AUTS2: variants seen among roughly 807,000 people sequenced by gnomAD.
The protein encoded by AUTS2 is activator of transcription and developmental regulator AUTS2.
A neutral mutation model predicts 112.4 loss-of-function variants in AUTS2; 17 were observed. The ratio of observed to expected loss-of-function variants is 0.15; its 90% CI spans 0.10 to 0.23. AUTS2 has a LOEUF of 0.23. AUTS2 is among the 10% of genes least tolerant of loss of function. The pLI is 1.00. For synonymous variants in AUTS2, 751 were observed against 702.7 expected (o/e 1.07, Z -1.09); for missense variants, 1,510 against 1,701.6 (o/e 0.89, Z 1.98).
At chr7:70,039,508 G>A (rs1467486829) in intron 2 of AUTS2, among the ~76,000 whole-genome samples, 3 of 151,968 alleles carry the variant, frequency 2.0e-5, no homozygotes, top group Non-Finnish European at 2.9e-5. Context: ...GATTACAGGC[G>A]CCTGACTAAT....
intron 1 of AUTS2, among the ~76,000 whole-genome samples, chr7:69,758,463 A>G (rs1410539631): frequency 1.3e-5 from 2 of 152,178 alleles, no homozygotes; most frequent in Non-Finnish European, 2.9e-5. Context: ...TCCTTTTTCA[A>G]ATGATCCGGA....
At chr7:70,059,742 G>A (rs929413642) in intron 2 of AUTS2, among the ~76,000 whole-genome samples, 7 of 152,206 alleles carry the variant, frequency 4.6e-5, no homozygotes, top group Middle Eastern at 3.4e-3. Context: ...TGTTTTCGAT[G>A]CCTTCGATGC....
chr7:70,127,441 T>C (rs1806038096), intron 3 of AUTS2, among the ~76,000 whole-genome samples: 1 of 152,186 alleles, frequency 6.6e-6, no homozygotes, highest in Non-Finnish European at 1.5e-5. Context: ...TTGGCCTATT[T>C]TATTTCTGTT....
At chr7:69,748,531 G>A (rs904547511) in intron 1 of AUTS2, among the ~76,000 whole-genome samples, 6 of 152,158 alleles carry the variant, frequency 3.9e-5, no homozygotes, top group African/African-American at 1.4e-4. Context: ...ACAGTTTCTG[G>A]TGAAGCTTCC....
intron 4 of AUTS2, among the ~76,000 whole-genome samples, chr7:70,345,303 C>T (rs940889658): frequency 6.6e-6 from 1 of 152,204 alleles, no homozygotes; most frequent in Non-Finnish European, 1.5e-5. Context: ...GCCATAACTT[C>T]CTATGACAGA....
chr7:70,575,301 G>A (rs1247845651), intron 5 of AUTS2, among the ~76,000 whole-genome samples: 1 of 152,068 alleles, frequency 6.6e-6, no homozygotes, highest in Non-Finnish European at 1.5e-5. Flanking sequence ...TAATGAGCAG[G>A]CACATGGGGC....
At chr7:69,785,792 C>G (rs1363328872) in intron 1 of AUTS2, among the ~76,000 whole-genome samples, 1 of 152,168 alleles carries the variant, frequency 6.6e-6, no homozygotes, top group Non-Finnish European at 1.5e-5. Flanking sequence ...CTAACTACAT[C>G]TATTCCACAA....
intron 4 of AUTS2, among the ~76,000 whole-genome samples, chr7:70,330,604 T>A (rs1477779532): frequency 1.3e-5 from 2 of 152,176 alleles, no homozygotes; most frequent in Non-Finnish European, 2.9e-5. Flanking sequence ...ATTTTGGCGA[T>A]TGAGGGTCCA....
intron 6 of AUTS2, among the ~76,000 whole-genome samples, chr7:70,748,157 C>G (rs1788588212): frequency 6.6e-6 from 1 of 152,098 alleles, no homozygotes; most frequent in Non-Finnish European, 1.5e-5. Context: ...AAGCTATTAT[C>G]ACCATCCTCA....
At chr7:69,907,890 T>A (rs1795209276) in intron 2 of AUTS2, among the ~76,000 whole-genome samples, 1 of 152,196 alleles carries the variant, frequency 6.6e-6, no homozygotes. Flanking sequence ...GGATTGTGAT[T>A]TGTTTCTTAT....
At chr7:70,311,918 G>A (rs1789773973) in intron 4 of AUTS2, among the ~76,000 whole-genome samples, 1 of 152,182 alleles carries the variant, frequency 6.6e-6, no homozygotes, top group South Asian at 2.1e-4. Context: ...GTTTCACCGT[G>A]TTAGCCAGGA....
intron 1 of AUTS2, among the ~76,000 whole-genome samples, chr7:69,836,301 C>T (rs1420560779): frequency 6.6e-6 from 1 of 152,170 alleles, no homozygotes; most frequent in African/African-American, 2.4e-5. Flanking sequence ...AGGAATTGCC[C>T]TCTGCCTTGT....
At chr7:70,765,807 C>G (rs866590840) in intron 8 of AUTS2, among the ~76,000 whole-genome samples, 2 of 152,154 alleles carry the variant, frequency 1.3e-5, no homozygotes, top group Admixed American at 6.5e-5. Context: ...TTTGCCATGC[C>G]CAGGGTCACT....
intron 4 of AUTS2, among the ~76,000 whole-genome samples, chr7:70,342,783 C>T (rs1791326960): frequency 6.6e-6 from 1 of 152,176 alleles, no homozygotes; most frequent in African/African-American, 2.4e-5. Flanking sequence ...TCTTGCTATC[C>T]ATTCTCTTCA....
At chr7:70,009,589 C>T (rs1229424926) in intron 2 of AUTS2, among the ~76,000 whole-genome samples, 1 of 152,190 alleles carries the variant, frequency 6.6e-6, no homozygotes, top group Non-Finnish European at 1.5e-5. Context: ...TGGTTTTATG[C>T]ACCTACTAAG....
intron 4 of AUTS2, among the ~76,000 whole-genome samples, chr7:70,349,238 C>T (rs906866393): frequency 1.3e-5 from 2 of 152,208 alleles, no homozygotes; most frequent in South Asian, 2.1e-4. Context: ...AGAGGGGTGA[C>T]GTGCGACTTA....
intron 1 of AUTS2, among the ~76,000 whole-genome samples, chr7:69,640,289 A>C (rs1661016687): frequency 6.6e-6 from 1 of 152,248 alleles, no homozygotes; most frequent in African/African-American, 2.4e-5. Flanking sequence ...TCAGGGAGAC[A>C]GAAAGACTTC....
At chr7:70,574,179 G>A (rs1802064701) in intron 5 of AUTS2, among the ~76,000 whole-genome samples, 1 of 152,146 alleles carries the variant, frequency 6.6e-6, no homozygotes, top group African/African-American at 2.4e-5. Flanking sequence ...GGCTGTGTAA[G>A]GGGGCATCTT....
chr7:70,782,893 C>G (rs895291679), intron 15 of AUTS2: 2 of 152,110 alleles, frequency 1.3e-5, no homozygotes, highest in African/African-American at 4.8e-5. Flanking sequence ...AAGTGCGTCC[C>G]CCTGGAGGGT....
Sources: gnomAD v4.1 joint callset for allele counts (sites outside exome capture counted in the v4.1 genomes callset) on GRCh38, gnomAD v4.1.1 for gene constraint, MANE v1.5 for transcripts, NCBI Gene and HGNC (gene_info 2026-07-23, HGNC 2026-07-21) for gene names.